CD22: variants seen among roughly 807,000 people sequenced by gnomAD.
The protein encoded by CD22 is CD22 molecule.
In CD22, 51 loss-of-function variants were observed where a neutral mutation model predicts 94.7. The observed-to-expected ratio is 0.54, with a 90% CI of 0.43 to 0.68. The LOEUF (loss-of-function observed/expected upper bound fraction) is 0.68, where lower values mean the gene tolerates loss of function less well. Ranked by LOEUF, CD22 falls within the 30% of genes least tolerant of loss-of-function variation. The probability of loss-of-function intolerance (pLI) is 0.00; values close to 1 mark genes in which losing one functional copy is unlikely to be tolerated. For synonymous variants in CD22, 424 were observed against 422.5 expected (o/e 1.00, Z -0.04); for missense variants, 931 against 1,060.4 (o/e 0.88, Z 1.69).
At chr19:35,338,962 C>T (rs1052721604) in intron 6 of CD22, among the ~76,000 whole-genome samples, 4 of 148,694 alleles carry the variant, frequency 2.7e-5, no homozygotes, top group African/African-American at 7.4e-5. Context: ...AGGCCAGGTG[C>T]GGTGGCTCCC....
At chr19:35,343,085 A>G (rs1184264614) in intron 9 of CD22, among the ~76,000 whole-genome samples, 2 of 146,794 alleles carry the variant, frequency 1.4e-5, no homozygotes, top group Non-Finnish European at 3.0e-5. Flanking sequence ...GGCGTGAGCC[A>G]CCGCACCCGG....
At chr19:35,334,480 G>C (rs1389034463) in intron 3 of CD22, among the ~76,000 whole-genome samples, 1 of 152,206 alleles carries the variant, frequency 6.6e-6, no homozygotes, top group African/African-American at 2.4e-5. Context: ...GGGTGGCTTT[G>C]ACCCATCAAA....
chr19:35,335,373 T>C (rs2066706411), intron 3 of CD22, among the ~76,000 whole-genome samples: 1 of 151,836 alleles, frequency 6.6e-6, no homozygotes, highest in South Asian at 2.1e-4. Flanking sequence ...CTGGGTAACA[T>C]GGCAAGACCC....
chr19:35,346,587 C>A lies in CD22; in HGVS notation c.2434C>A (p.Pro812Thr), dbSNP rs369643591. The A allele has an allele frequency of 2.7e-5, 43 of 1,603,880 alleles. 1 individual carries two copies. In the Middle Eastern group the frequency reaches 5.6e-3, roughly 210 times the overall value. ...TCAGGGCGACTATGAGAACGTCATT[C>A]CAGATTTTCCAGAAGATGAGGGGAT... ...RQVGDYENVI[P>T]DFPEDEGIHY... is the part of the protein sequence containing the mutation. The change falls in exon 14 of 14, where the codon CCA (proline) becomes ACA (threonine). Residue 812 changes from proline (P) to threonine (T), a missense_variant. Coordinates refer to ENST00000085219, the MANE Select transcript of CD22 (RefSeq NM_001771.4).
chr19:35,342,679 T>G (rs1214056414), intron 9 of CD22, among the ~76,000 whole-genome samples: 1 of 152,112 alleles, frequency 6.6e-6, no homozygotes, highest in African/African-American at 2.4e-5. Context: ...CTCTCCTGCC[T>G]CCCTCTAGGG....
At position 35,346,202 on chromosome 19, in the gene CD22, G is replaced by C; in HGVS notation, c.2379G>C (p.Thr793=). The change falls in exon 13 of 14, where the codon ACG becomes ACC. Residue 793 remains threonine (T), a synonymous_variant. Coordinates refer to ENST00000085219, the MANE Select transcript of CD22 (RefSeq NM_001771.4). ...GACCTCCCCCGGACTGCGATGACACGGTCACTTATTCAGCATTGCACAAGC... is the reference window on the plus strand; with the variant it reads ...GACCTCCCCCGGACTGCGATGACACCGTCACTTATTCAGCATTGCACAAGC... ...MQRPPPDCDD[T]VTYSALHKRQ... is the part of the protein sequence containing the mutation. 1 of 1,614,036 alleles carries C rather than the reference G, an allele frequency of 6.2e-7. No homozygotes were observed. Among genetic ancestry groups the C allele is most frequent in the Non-Finnish European group, 8.5e-7 (1 of 1,179,934 alleles).
In CD22 at chr19:35,344,941, C is replaced by T. The variant is rs752188184; in HGVS notation, c.2132+16C>T. 12 of 1,607,078 alleles carry T rather than the reference C, an allele frequency of 7.5e-6. No individual in the cohort carries two copies. In the East Asian group the frequency reaches 1.3e-4, roughly 18 times the overall value. The stretch of plus-strand genomic sequence containing the variant: ...TCCAGCGACGGTGAGCTCCTGCCAT[C>T]CCCCACCACCTCCTCTATCCCTTGG... On this transcript the variant is annotated intron_variant, in intron 10 of 13. Coordinates refer to ENST00000085219, the MANE Select transcript of CD22 (RefSeq NM_001771.4).
rs534705941 is a variant in CD22, at chr19:35,338,110, G to T, written c.986-58G>T. 23 of 1,577,488 alleles carry T rather than the reference G, an allele frequency of 1.5e-5. No homozygotes were observed. The African/African-American group carries it at 2.8e-4, about 19-fold the overall frequency. ...GAGCCACGGGGGCTCTCGGGGCCGT[G>T]TGCACAGGTTGGGGGTGCTCTCCTC... On this transcript the variant is annotated intron_variant, in intron 5 of 13. Transcript: ENST00000085219.
rs1058406 is a variant in CD22, at chr19:35,341,784, C to T, written c.1854C>T (p.Ser618=). Residue 618 remains serine (S), a synonymous_variant, in exon 9 of 14, where the codon AGC becomes AGT. Transcript: ENST00000085219. This position sits in a 1 kb window ranked among gnomAD's most constrained non-coding sequence, Gnocchi z 4.0. Reference sequence around the variant, plus strand: ...AGAGTGCAACCCTGACCTGTGAGAGCGACGCCAACCCTCCCGTCTCCCACT... The same window carrying T: ...AGAGTGCAACCCTGACCTGTGAGAGTGACGCCAACCCTCCCGTCTCCCACT... ...EGKSATLTCE[S]DANPPVSHYT... is the part of the protein sequence containing the mutation. 58 of 1,613,048 alleles carry T rather than the reference C, an allele frequency of 3.6e-5. No individual in the cohort carries two copies. Among genetic ancestry groups the T allele is most frequent in the Middle Eastern group, 1.6e-4 (1 of 6,084 alleles).
chr19:35,342,733 A>G (rs1164166870), intron 9 of CD22, among the ~76,000 whole-genome samples: 1 of 151,862 alleles, frequency 6.6e-6, no homozygotes, highest in Non-Finnish European at 1.5e-5. Flanking sequence ...CTGAGCTCCT[A>G]CTGGGTCCCT....
rs751921087 is a variant in CD22 at position 35,340,894 on chromosome 19, G to T, written c.1263G>T (p.Lys421Asn). ...AELDVQYPPK[K>N]VTTVIQNPMP... ...GTTTTCTTCCAGATCCTCCCAAGAA[G>T]GTGACCACAGTGATTCAAAACCCCA... Residue 421 changes from lysine to asparagine, a missense_variant, in exon 7 of 14, where the codon AAG (lysine) becomes AAT (asparagine). By Grantham distance (94) the Lys-to-Asn change is moderately conservative. Transcript: ENST00000085219. 2 of 1,614,016 alleles carry T rather than the reference G, an allele frequency of 1.2e-6. No homozygotes were observed. The highest frequency in any genetic ancestry group is 1.7e-6 in the Non-Finnish European group (2 of 1,180,036).
rs1294383563 is a variant in CD22 at position 35,346,808 on chromosome 19, A to G, written c.*111A>G. ...CTCCTGCGCGCATGTGCGCACACAC[A>G]CACACACACGCACACACACACACAC... On this transcript the variant is annotated 3_prime_UTR_variant, in exon 14 of 14. Transcript: ENST00000085219. 47 of 947,046 alleles carry G rather than the reference A, an allele frequency of 5.0e-5. No homozygotes were observed. Among genetic ancestry groups the G allele is most frequent in the Non-Finnish European group, 2.8e-5 (18 of 641,064 alleles). The allele number at this position is 947,046 out of a possible 1,614,324, so 58.7% of individuals were successfully genotyped here. A position where few individuals can be genotyped will look rare whatever the true frequency, so the allele number is the denominator to read the frequency against.
chr19:35,341,953 C>T lies in CD22; in HGVS notation c.2023C>T (p.Leu675Phe). Residue 675 changes from leucine (L) to phenylalanine (F), a missense_variant, in exon 9 of 14, where the codon CTC becomes TTC. Transcript: ENST00000085219. This position sits in a 1 kb window ranked among gnomAD's most constrained non-coding sequence, Gnocchi z 4.0. Reference protein sequence around the residue: ...VGKGRSPLSTLTVYYSPETIG... With the variant: ...VGKGRSPLSTFTVYYSPETIG... ...CAAGGGCCGTTCGCCTCTCAGCACC[C>T]TCACCGTCTACTGTAAGGCCTCTTC... The T allele has an allele frequency of 6.2e-7, 1 of 1,612,724 alleles. No individual in the cohort carries two copies. The highest frequency in any genetic ancestry group is 8.5e-7 in the Non-Finnish European group (1 of 1,179,300).
At position 35,341,440 on chromosome 19, in the gene CD22, C is replaced by G; in HGVS notation, c.1605C>G (p.His535Gln). Reference sequence around the variant, plus strand: ...TCCAATGTGACTTCTCAAGCAGCCACCCCAAAGAAGTCCAGTTCTTCTGGG... The same window carrying G: ...TCCAATGTGACTTCTCAAGCAGCCAGCCCAAAGAAGTCCAGTTCTTCTGGG... ...VSLQCDFSSS[H>Q]PKEVQFFWEK... The change falls in exon 8 of 14, where the codon CAC becomes CAG. Residue 535 changes from histidine (H) to glutamine (Q), a missense_variant. Coordinates refer to ENST00000085219, the MANE Select transcript of CD22 (RefSeq NM_001771.4). The surrounding 1 kb of genome is among the most constrained non-coding windows in gnomAD (Gnocchi z 4.0). 6.2e-7 allele frequency: 1 copy of G among 1,614,040 alleles called. No individual in the cohort carries two copies. The highest frequency in any genetic ancestry group is 1.1e-5 in the South Asian group (1 of 91,082).
Position 35,341,011 on chromosome 19 carries a change from C to A in CD22, c.1380C>A (p.Gly460=). ...SVTRYEWKPH[G]AWEEPSLGVL... ...CCCGGTATGAATGGAAACCCCATGGCGCCTGGGAGGAGCCATCGCTTGGGG... is the reference window on the plus strand; with the variant it reads ...CCCGGTATGAATGGAAACCCCATGGAGCCTGGGAGGAGCCATCGCTTGGGG... Residue 460 remains glycine (G), a synonymous_variant, in exon 7 of 14, where the codon GGC becomes GGA. Transcript: ENST00000085219. This position sits in a 1 kb window ranked among gnomAD's most constrained non-coding sequence, Gnocchi z 4.0. The A allele has an allele frequency of 6.2e-7, 1 of 1,614,224 alleles. No individual in the cohort carries two copies. The highest frequency in any genetic ancestry group is 1.3e-5 in the African/African-American group (1 of 75,046).
chr19:35,339,719 T>C (rs1464935318), intron 6 of CD22, among the ~76,000 whole-genome samples: 2 of 152,078 alleles, frequency 1.3e-5, no homozygotes, highest in Non-Finnish European at 2.9e-5. Flanking sequence ...TAGCCGGGCA[T>C]GGTGGCAGGC....
chr19:35,342,078 C>T (rs1599687659), intron 9 of CD22, 113 bp downstream of exon 9: 2 of 978,080 alleles, frequency 2.0e-6, no homozygotes, highest in Non-Finnish European at 3.0e-6. Flanking sequence ...TTCTTTTCCT[C>T]CTCCTCTTCT....
rs145484922 is a variant in CD22, at chr19:35,336,068, C to T, written c.445C>T (p.Pro149Ser). Residue 149 changes from proline (P) to serine (S), a missense_variant, in exon 4 of 14, where the codon CCA becomes TCA. Pro to Ser is a moderately conservative substitution (Grantham distance 74). Coordinates refer to ENST00000085219, the MANE Select transcript of CD22 (RefSeq NM_001771.4). ...TTTTCCACCTCATATCCAGCTCCCT[C>T]CAGAAATTCAAGAGTCCCAGGAAGT... ...RPFPPHIQLP[P>S]EIQESQEVTL... 159 of 1,613,784 alleles carry T rather than the reference C, an allele frequency of 9.9e-5. No homozygotes were observed. The highest frequency in any genetic ancestry group is 1.3e-4 in the Non-Finnish European group (149 of 1,179,896).
chr19:35,345,285 A>G, intron 11 of CD22, 159 bp downstream of exon 11: 1 of 647,836 alleles, frequency 1.5e-6, no homozygotes, highest in East Asian at 2.8e-5. Flanking sequence ...GCCGGGCGTG[A>G]TGGTCCATGC....
Sources: gnomAD v4.1 joint callset for allele counts (sites outside exome capture counted in the v4.1 genomes callset) on GRCh38, gnomAD v4.1.1 for gene constraint, Gnocchi (gnomAD v3.1) non-coding constraint, MANE v1.5 for transcripts, NCBI Gene and HGNC (gene_info 2026-07-23, HGNC 2026-07-21) for gene names.